Variants in SLC24A3 observed in about 807,000 individuals in gnomAD.
The protein encoded by SLC24A3 is sodium/potassium/calcium exchanger 3.
SLC24A3 carries 28 observed loss-of-function variants against 75.8 expected under a neutral mutation model. That is an observed-to-expected ratio of 0.37 (90% CI 0.27 to 0.51). SLC24A3 has a LOEUF of 0.51. Ranked by LOEUF, SLC24A3 falls within the 20% of genes least tolerant of loss-of-function variation. The pLI is 0.94. For synonymous variants in SLC24A3, 372 were observed against 334.1 expected (o/e 1.11, Z -1.24); for missense variants, 663 against 847.8 (o/e 0.78, Z 2.71).
intron 2 of SLC24A3, among the ~76,000 whole-genome samples, chr20:19,382,920 ACT>A (rs1467275055): frequency 1.3e-5 from 2 of 152,020 alleles, no homozygotes; most frequent in African/African-American, 4.8e-5. Flanking sequence ...TGAGCATTCA[ACT>A]CTGTACAATT....
At position 19,281,051 on chromosome 20, in the gene SLC24A3, G is replaced by A; in HGVS notation, c.235G>A (p.Ala79Thr). Residue 79 changes from alanine (A) to threonine (T), a missense_variant, in exon 2 of 17, where the codon GCC becomes ACC. Ala to Thr is a moderately conservative substitution (Grantham distance 58, BLOSUM62 0). Around this residue, in one of 2 missense-constraint regions of SLC24A3, gnomAD observed 153 missense variants for 144.2 expected, o/e 1.06. Transcript: ENST00000328041. The part of the protein sequence containing the change: ...QVNDTLTSED[A>T]GLRNSKNCTE... ...GAACGACACTCTGACTTCCGAAGAT[G>A]CCGGACTCCGGAACAGCAAGAACTG... is the stretch of plus-strand genomic sequence containing the variant. 6.2e-7 allele frequency: 1 copy of A among 1,614,186 alleles called. No homozygotes were observed. The highest frequency in any genetic ancestry group is 8.5e-7 in the Non-Finnish European group (1 of 1,180,020).
At position 19,677,691 on chromosome 20, in the gene SLC24A3, T is replaced by C. The variant is rs867478201; in HGVS notation, c.767+4037T>C. Among the ~76,000 whole-genome samples the C allele has an allele frequency of 3.3e-3, 484 of 146,740 alleles. 1 individual carries two copies. The highest frequency in any genetic ancestry group is 0.012 in the African/African-American group (464 of 39,326). On this transcript the variant is annotated intron_variant, in intron 9 of 16. Coordinates refer to ENST00000328041, the MANE Select transcript of SLC24A3 (RefSeq NM_020689.4). Reference sequence around the variant, plus strand: ...TTTAGGATTCTTTTTTTTTTCTTTTTTTTTTTTTTTTTTTTAATTTTCATT... The same window carrying C: ...TTTAGGATTCTTTTTTTTTTCTTTTCTTTTTTTTTTTTTTTAATTTTCATT...
rs147308956 is a variant in SLC24A3 at position 19,717,368 on chromosome 20, A to C, written c.1720-160A>C. Among the ~76,000 whole-genome samples the C allele has an allele frequency of 3.4e-3, 521 of 152,328 alleles. 2 individuals carry two copies. Among genetic ancestry groups the C allele is most frequent in the African/African-American group, 0.011 (477 of 41,586 alleles). ...CAGAACAGCACACGTCTCAAGTATA[A>C]GCTGTGGAGCTGGCTGCTGAAGCTG... On this transcript the variant is annotated intron_variant, in intron 15 of 16. Transcript: ENST00000328041.
At chr20:19,261,886 G>C (rs575953797) in intron 1 of SLC24A3, 14 of 152,354 alleles carry the variant, frequency 9.2e-5, no homozygotes, top group African/African-American at 3.1e-4. Context: ...GTCAAAAATA[G>C]AAAACAATGC....
At chr20:19,440,402 C>T (rs1987277601) in intron 2 of SLC24A3, among the ~76,000 whole-genome samples, 1 of 152,200 alleles carries the variant, frequency 6.6e-6, no homozygotes, top group South Asian at 2.1e-4. Context: ...TCTCTTTTGT[C>T]TCTGACTGTA....
intron 2 of SLC24A3, among the ~76,000 whole-genome samples, chr20:19,323,137 C>T (rs1267247412): frequency 7.4e-6 from 1 of 135,516 alleles, no homozygotes; most frequent in African/African-American, 2.9e-5. Context: ...ACCCGGGAGG[C>T]GGAGGTTGCA....
At chr20:19,340,448 G>T (rs1451384829) in intron 2 of SLC24A3, among the ~76,000 whole-genome samples, 1 of 152,204 alleles carries the variant, frequency 6.6e-6, no homozygotes, top group Admixed American at 6.5e-5. Flanking sequence ...AACTGTCAGA[G>T]AATACGTTTC....
At chr20:19,624,543 C>CA (rs2031844578) in intron 6 of SLC24A3, among the ~76,000 whole-genome samples, 1 of 152,034 alleles carries the variant, frequency 6.6e-6, no homozygotes, top group Non-Finnish European at 1.5e-5. Flanking sequence ...ATGGTGATGG[C>CA]AAAAATACAA....
intron 3 of SLC24A3, among the ~76,000 whole-genome samples, chr20:19,539,798 A>T (rs746123586): frequency 5.3e-5 from 8 of 152,182 alleles, no homozygotes; most frequent in Non-Finnish European, 1.0e-4. Flanking sequence ...TTTGATGAAA[A>T]ATGGGCAGCC....
At position 19,245,608 on chromosome 20, in the gene SLC24A3, G is replaced by T. The variant is rs149654112; in HGVS notation, c.142+32624G>T. On this transcript the variant is annotated intron_variant, in intron 1 of 16. Coordinates refer to ENST00000328041, the MANE Select transcript of SLC24A3 (RefSeq NM_020689.4). Reference sequence around the variant, plus strand: ...AAGGCACAAATGGTTGAAAATAAAAGAATGGAAAAATATGTAGTAGGCAAA... The same window carrying T: ...AAGGCACAAATGGTTGAAAATAAAATAATGGAAAAATATGTAGTAGGCAAA... Among the ~76,000 whole-genome samples the T allele has an allele frequency of 2.9e-3, 448 of 152,154 alleles. 1 individual carries two copies. The highest frequency in any genetic ancestry group is 0.024 in the Middle Eastern group (7 of 292).
intron 2 of SLC24A3, among the ~76,000 whole-genome samples, chr20:19,471,651 C>G (rs1987873056): frequency 8.5e-6 from 1 of 117,218 alleles, no homozygotes; most frequent in Non-Finnish European, 2.1e-5. Flanking sequence ...CCCTCAGAAG[C>G]TGGTTCAGGA....
chr20:19,299,200 G>GTGTGTC (rs1175036982), intron 2 of SLC24A3, among the ~76,000 whole-genome samples: 2 of 146,012 alleles, frequency 1.4e-5, no homozygotes, highest in Non-Finnish European at 3.1e-5. Context: ...GTGTGTGTAT[G>GTGTGTC]TGTGTGTGTG....
intron 8 of SLC24A3, among the ~76,000 whole-genome samples, chr20:19,666,435 G>A (rs1487496338): frequency 6.6e-6 from 1 of 152,076 alleles, no homozygotes; most frequent in Non-Finnish European, 1.5e-5. Context: ...GAACCTAGGA[G>A]GTGGAGCTTG....
intron 2 of SLC24A3, among the ~76,000 whole-genome samples, chr20:19,437,618 C>CT (rs1452606139): frequency 7.9e-5 from 12 of 152,194 alleles, no homozygotes; most frequent in Non-Finnish European, 1.6e-4. Flanking sequence ...AAGGCTGAGG[C>CT]TTATCCAGGC....
chr20:19,636,252 CCACCT>C (rs2032001959), intron 6 of SLC24A3, among the ~76,000 whole-genome samples: 1 of 152,200 alleles, frequency 6.6e-6, no homozygotes, highest in Non-Finnish European at 1.5e-5. Context: ...AGTCACAAGT[CCACCT>C]TTATTCAAGA....
chr20:19,495,315 A>G (rs1204326118), intron 2 of SLC24A3, among the ~76,000 whole-genome samples: 3 of 152,206 alleles, frequency 2.0e-5, no homozygotes, highest in Non-Finnish European at 4.4e-5. Context: ...GACTGGATGT[A>G]CAAGTTCTTG....
At chr20:19,286,236 C>G (rs901725627) in intron 2 of SLC24A3, among the ~76,000 whole-genome samples, 2 of 152,076 alleles carry the variant, frequency 1.3e-5, no homozygotes, top group Non-Finnish European at 2.9e-5. Flanking sequence ...TTGACTGGCC[C>G]GAAGCCCACA....
intron 2 of SLC24A3, among the ~76,000 whole-genome samples, chr20:19,304,166 A>G (rs1376006817): frequency 1.3e-5 from 2 of 152,264 alleles, no homozygotes; most frequent in Non-Finnish European, 2.9e-5. Flanking sequence ...TCTCTTTAAT[A>G]CATAGGCTTT....
At chr20:19,511,622 C>T (rs548473062) in intron 2 of SLC24A3, among the ~76,000 whole-genome samples, 7 of 152,078 alleles carry the variant, frequency 4.6e-5, no homozygotes, top group South Asian at 4.2e-4. Flanking sequence ...CCACCGCGCC[C>T]GGCCTGGGCT....
Sources: allele counts gnomAD v4.1 joint callset (sites outside exome capture counted in the v4.1 genomes callset), GRCh38; gene constraint gnomAD v4.1.1; regional missense constraint gnomAD v4.1.1; transcripts MANE v1.5; gene names NCBI Gene and HGNC (gene_info 2026-07-23, HGNC 2026-07-21).